SYNE3: variants seen among roughly 807,000 people sequenced by gnomAD.
The protein encoded by SYNE3 is nesprin-3.
In SYNE3, 100 loss-of-function variants were observed where a neutral mutation model predicts 111.2. The ratio of observed to expected loss-of-function variants is 0.90; its 90% CI spans 0.77 to 1.06. The LOEUF is 1.06. SYNE3 is among the 50% of genes least tolerant of loss of function. SYNE3 has a pLI of 0.00. For synonymous variants in SYNE3, 547 were observed against 533.9 expected (o/e 1.02, Z -0.34); for missense variants, 1,160 against 1,240.3 (o/e 0.94, Z 0.97).
At chr14:95,443,386 A>T in intron 10 of SYNE3, 97 bp from the exon 11 acceptor site, 1 of 1,492,984 alleles carries the variant, frequency 6.7e-7, no homozygotes, top group Non-Finnish European at 9.0e-7. Flanking sequence ...AGAGCCTGGG[A>T]GGGGTGAATT....
At chr14:95,467,697 G>T in intron 3 of SYNE3, 98 bp downstream of exon 3, 2 of 1,429,354 alleles carry the variant, frequency 1.4e-6, no homozygotes, top group Non-Finnish European at 1.9e-6. Flanking sequence ...AGAATCCCAG[G>T]ACTGGAGAAA....
chr14:95,476,587 G>T (rs1489322101), intron 1 of SYNE3, among the ~76,000 whole-genome samples: 1 of 152,250 alleles, frequency 6.6e-6, no homozygotes, highest in Non-Finnish European at 1.5e-5. Flanking sequence ...TGGCTGCAAA[G>T]CCTCAGATTT....
At chr14:95,444,771 C>T in intron 9 of SYNE3, 143 bp from the exon 10 acceptor site, 2 of 1,072,808 alleles carry the variant, frequency 1.9e-6, no homozygotes, top group Non-Finnish European at 2.6e-6. Context: ...GAAGCCTTCC[C>T]TGAGCCCTGA....
At chr14:95,503,694 C>T (rs1890426208) in intron 1 of SYNE3, among the ~76,000 whole-genome samples, 1 of 134,054 alleles carries the variant, frequency 7.5e-6, no homozygotes, top group African/African-American at 2.8e-5. Context: ...TCACAGTTCA[C>T]TACAGCCTCG....
At chr14:95,449,449 G>T (rs1424047044) in intron 8 of SYNE3, 1 of 985,344 alleles carries the variant, frequency 1.0e-6, no homozygotes, top group Non-Finnish European at 1.2e-6. Flanking sequence ...GGAGATGCAC[G>T]TTTGGAGCCG....
intron 1 of SYNE3, among the ~76,000 whole-genome samples, chr14:95,504,743 G>C (rs1890465388): frequency 1.3e-5 from 2 of 152,132 alleles, no homozygotes; most frequent in Admixed American, 6.5e-5. Flanking sequence ...CACTTTGAGA[G>C]GCCAAGGAGG....
rs769048827 is a variant in SYNE3, at chr14:95,500,670, T to C, written c.-15+15926A>G. Among the ~76,000 whole-genome samples the C allele has an allele frequency of 6.6e-6, 1 of 152,216 alleles. No homozygotes were observed. The highest frequency in any genetic ancestry group is 2.1e-4 in the South Asian group (1 of 4,832). On this transcript the variant is annotated intron_variant, in intron 1 of 17. Transcript: ENST00000682763. This position sits in a 1 kb window ranked among gnomAD's most constrained non-coding sequence, Gnocchi z 4.7. The stretch of plus-strand genomic sequence containing the variant: ...GAGCAACCACCTTCATGATTCCCGC[T>C]GATCCTCTCCCTGACCACCCGTGGG...
chr14:95,429,535 C>G (rs1885626317), intron 17 of SYNE3, among the ~76,000 whole-genome samples: 1 of 152,166 alleles, frequency 6.6e-6, no homozygotes, highest in Non-Finnish European at 1.5e-5. Context: ...TTTTATCAAG[C>G]TGTCCTATAA....
chr14:95,446,133 A>G (rs745768943), intron 8 of SYNE3, 42 bp from the exon 9 acceptor site: 1 of 1,607,754 alleles, frequency 6.2e-7, no homozygotes, highest in Non-Finnish European at 8.5e-7. Flanking sequence ...ACCGGGCAGG[A>G]CACAGCTCAG....
At chr14:95,431,791 C>T (rs1425961407) in intron 17 of SYNE3, among the ~76,000 whole-genome samples, 1 of 152,230 alleles carries the variant, frequency 6.6e-6, no homozygotes, top group East Asian at 1.9e-4. Context: ...CACTCCCCAG[C>T]GTGTCCTGAT....
chr14:95,467,983 A>C lies in SYNE3; in HGVS notation c.145-16T>G. 6.3e-7 allele frequency: 1 copy of C among 1,598,382 alleles called. No individual in the cohort carries two copies. Among genetic ancestry groups the C allele is most frequent in the Non-Finnish European group, 8.5e-7 (1 of 1,169,592 alleles). Reference sequence around the variant, plus strand: ...GGCATATTTTCTGTTGTGGACACACAAGCCAGTTTCCAGGGTTGGCAAAAG... The same window carrying C: ...GGCATATTTTCTGTTGTGGACACACCAGCCAGTTTCCAGGGTTGGCAAAAG... On this transcript the variant is annotated splice_polypyrimidine_tract_variant and intron_variant, in intron 2 of 17. Transcript: ENST00000682763.
Position 95,459,472 on chromosome 14 carries a change from G to A in SYNE3, c.628-2134C>T, listed in dbSNP as rs113372756. Among the ~76,000 whole-genome samples, 28 of 152,312 alleles carry A rather than the reference G, an allele frequency of 1.8e-4. 1 individual carries two copies. Among genetic ancestry groups the A allele is most frequent in the African/African-American group, 6.0e-4 (25 of 41,570 alleles). On this transcript the variant is annotated intron_variant, in intron 4 of 17. Transcript: ENST00000682763. ...CTCAGCTACTCGGGAGGCTGAGGCT[G>A]AAGCTAGGAATGGGCTGGATGTGGT... is the stretch of plus-strand genomic sequence containing the variant.
At chr14:95,506,639 G>C (rs17092611) in intron 1 of SYNE3, among the ~76,000 whole-genome samples, 15,097 of 152,290 alleles carry the variant, frequency 0.099, 928 homozygotes, top group Non-Finnish European at 0.13. Flanking sequence ...GCAAAGTCAC[G>C]TCCTCAGCTA....
At chr14:95,481,179 G>A (rs1252875982) in intron 1 of SYNE3, among the ~76,000 whole-genome samples, 1 of 152,278 alleles carries the variant, frequency 6.6e-6, no homozygotes, top group Non-Finnish European at 1.5e-5. Flanking sequence ...GGCACTTGCA[G>A]TAGTGCTGAC....
At chr14:95,445,271 CCTT>C (rs1886646294) in intron 9 of SYNE3, among the ~76,000 whole-genome samples, 1 of 152,186 alleles carries the variant, frequency 6.6e-6, no homozygotes, top group Admixed American at 6.5e-5. Flanking sequence ...CCATGAGCCA[CCTT>C]CTTGACCATT....
At position 95,462,843 on chromosome 14, in the gene SYNE3, C is replaced by T. The variant is rs1435978066; in HGVS notation, c.627+3088G>A. Among the ~76,000 whole-genome samples the T allele has an allele frequency of 5.3e-5, 8 of 152,348 alleles. No individual in the cohort carries two copies. The South Asian group carries it at 1.4e-3, about 28-fold the overall frequency. ...TACTGGGCCGCTGGTGTCTGACGCA[C>T]AGAATGTTTTTTAATCTAAAAAATT... On this transcript the variant is annotated intron_variant, in intron 4 of 17. Transcript: ENST00000682763.
chr14:95,454,020 T>C (rs1443614446), intron 6 of SYNE3, among the ~76,000 whole-genome samples: 1 of 152,248 alleles, frequency 6.6e-6, no homozygotes, highest in Non-Finnish European at 1.5e-5. Context: ...GGTAGTTGCA[T>C]TTCCTGACCA....
intron 6 of SYNE3, among the ~76,000 whole-genome samples, chr14:95,453,039 T>G (rs1887191895): frequency 6.6e-6 from 1 of 152,168 alleles, no homozygotes; most frequent in African/African-American, 2.4e-5. Context: ...TCTCAGCCCC[T>G]TGCTTGGCCC....
In SYNE3 at chr14:95,500,367, C is replaced by G. The variant is rs531763072; in HGVS notation, c.-15+16229G>C. Among the ~76,000 whole-genome samples the G allele has an allele frequency of 6.6e-6, 1 of 152,186 alleles. No homozygotes were observed. The highest frequency in any genetic ancestry group is 6.5e-5 in the Admixed American group (1 of 15,290). The stretch of plus-strand genomic sequence containing the variant: ...CCAGCCTAGGAACTGCCTTTTGTCC[C>G]GCTGCTCTCTATGGATCCCAACCTG... On this transcript the variant is annotated intron_variant, in intron 1 of 17. Transcript: ENST00000682763. This position sits in a 1 kb window ranked among gnomAD's most constrained non-coding sequence, Gnocchi z 4.7.
Sources: allele counts gnomAD v4.1 joint callset (sites outside exome capture counted in the v4.1 genomes callset), GRCh38; gene constraint gnomAD v4.1.1; non-coding constraint Gnocchi (gnomAD v3.1); transcripts MANE v1.5; gene names NCBI Gene and HGNC (gene_info 2026-07-23, HGNC 2026-07-21).